Variants in BACH2 observed in about 807,000 individuals in gnomAD.
The protein encoded by BACH2 is BACH transcriptional regulator 2.
A neutral mutation model predicts 61.8 loss-of-function variants in BACH2; 5 were observed. That is an observed-to-expected ratio of 0.08 (90% CI 0.04 to 0.17). The LOEUF (loss-of-function observed/expected upper bound fraction) is 0.17, where lower values mean the gene tolerates loss of function less well. Among genes scored for constraint, BACH2 ranks in the 10% least tolerant of loss-of-function variants. The probability of loss-of-function intolerance (pLI) is 1.00; values close to 1 mark genes in which losing one functional copy is unlikely to be tolerated. For synonymous variants in BACH2, 446 were observed against 440.1 expected (o/e 1.01, Z -0.17); for missense variants, 824 against 1,091.1 (o/e 0.76, Z 3.45).
intron 3 of BACH2, among the ~76,000 whole-genome samples, chr6:90,248,893 G>A (rs1005909877): frequency 1.7e-4 from 26 of 152,200 alleles, no homozygotes; most frequent in Admixed American, 3.3e-4. Context: ...ACCATGAAAC[G>A]GTCTTTTATT....
At chr6:90,067,260 C>T (rs1467647620) in intron 5 of BACH2, among the ~76,000 whole-genome samples, 1 of 152,110 alleles carries the variant, frequency 6.6e-6, no homozygotes, top group Middle Eastern at 3.2e-3. Context: ...AGATAAAAGA[C>T]GGAGCCCCTC....
chr6:89,992,201 A>T (rs989604902), intron 6 of BACH2, among the ~76,000 whole-genome samples: 7 of 152,224 alleles, frequency 4.6e-5, no homozygotes, highest in Non-Finnish European at 1.5e-5. Context: ...TGTATGCATG[A>T]GTATATATTT....
chr6:90,035,326 T>G (rs1779210380), intron 5 of BACH2, among the ~76,000 whole-genome samples: 1 of 152,076 alleles, frequency 6.6e-6, no homozygotes, highest in Non-Finnish European at 1.5e-5. Flanking sequence ...AGCTAGAAAT[T>G]TATGGCCTCT....
Position 89,972,497 on chromosome 6 carries a change from G to A in BACH2, c.244-20635C>T, listed in dbSNP as rs1442789452. Among the ~76,000 whole-genome samples, 4 of 152,172 alleles carry A rather than the reference G, an allele frequency of 2.6e-5. No individual in the cohort carries two copies. In the East Asian group the frequency reaches 7.7e-4, roughly 29 times the overall value. The stretch of plus-strand genomic sequence containing the variant: ...GCCACAACCTGGATACCCCATTGAC[G>A]AAAACAAGGTATCTTTGGAAGCTAT... On this transcript the variant is annotated intron_variant, in intron 6 of 8. Coordinates refer to ENST00000257749, the MANE Select transcript of BACH2 (RefSeq NM_021813.4).
chr6:90,001,978 T>C (rs1427974690), intron 6 of BACH2, among the ~76,000 whole-genome samples: 1 of 152,242 alleles, frequency 6.6e-6, no homozygotes, highest in Non-Finnish European at 1.5e-5. Flanking sequence ...TTATTCTCTC[T>C]AGAACACAAT....
At chr6:90,165,683 C>A (rs2127834958) in intron 4 of BACH2, among the ~76,000 whole-genome samples, 1 of 152,302 alleles carries the variant, frequency 6.6e-6, no homozygotes, top group South Asian at 2.1e-4. Context: ...GTAACCAAAA[C>A]AGCATGGTAC....
chr6:90,170,647 A>T (rs1266652309), intron 4 of BACH2, among the ~76,000 whole-genome samples: 1 of 152,220 alleles, frequency 6.6e-6, no homozygotes, highest in Non-Finnish European at 1.5e-5. Flanking sequence ...TTCTATTGTG[A>T]TGTAAAGTTA....
At chr6:90,282,681 G>A (rs973355967) in intron 1 of BACH2, among the ~76,000 whole-genome samples, 1 of 151,822 alleles carries the variant, frequency 6.6e-6, no homozygotes. Flanking sequence ...AAACTGCTGG[G>A]TTGAATGGTA....
At chr6:90,023,343 T>C (rs1006343495) in intron 5 of BACH2, among the ~76,000 whole-genome samples, 3 of 151,900 alleles carry the variant, frequency 2.0e-5, no homozygotes, top group African/African-American at 7.3e-5. Context: ...GTTGCCTCAA[T>C]AGTGAGTTAT....
chr6:90,040,327 C>T (rs968846631), intron 5 of BACH2, among the ~76,000 whole-genome samples: 1 of 152,058 alleles, frequency 6.6e-6, no homozygotes, highest in Admixed American at 6.6e-5. Flanking sequence ...TATTGAACAT[C>T]CTTTTTTATC....
At chr6:89,995,059 C>CTG (rs1045400767) in intron 6 of BACH2, among the ~76,000 whole-genome samples, 15 of 152,346 alleles carry the variant, frequency 9.8e-5, no homozygotes, top group African/African-American at 3.6e-4. Flanking sequence ...ATTTCCCCCA[C>CTG]TCCAGAGTCC....
At chr6:90,256,246 G>A (rs926666925) in intron 2 of BACH2, among the ~76,000 whole-genome samples, 19 of 152,156 alleles carry the variant, frequency 1.2e-4, no homozygotes, top group African/African-American at 4.6e-4. Context: ...GCTGGGCCAC[G>A]TTTTCCAGCC....
At chr6:89,999,067 T>C (rs1776997512) in intron 6 of BACH2, among the ~76,000 whole-genome samples, 1 of 152,244 alleles carries the variant, frequency 6.6e-6, no homozygotes, top group South Asian at 2.1e-4. Flanking sequence ...CTGAGTATTT[T>C]GGTGTGGAAA....
chr6:90,295,608 C>G (rs1772322213), intron 1 of BACH2, among the ~76,000 whole-genome samples: 2 of 152,068 alleles, frequency 1.3e-5, no homozygotes, highest in Admixed American at 6.5e-5. Flanking sequence ...CCTTCATAAA[C>G]CAGTCTCCTG....
intron 8 of BACH2, among the ~76,000 whole-genome samples, chr6:89,935,893 C>G (rs1458961082): frequency 6.6e-6 from 1 of 152,202 alleles, no homozygotes; most frequent in Non-Finnish European, 1.5e-5. Context: ...ACTACCTAAG[C>G]CCAGCAGGCT....
chr6:90,240,995 G>A (rs375290548), intron 3 of BACH2, among the ~76,000 whole-genome samples: 12 of 151,816 alleles, frequency 7.9e-5, no homozygotes, highest in African/African-American at 2.2e-4. Flanking sequence ...TTAGCCAGGC[G>A]TGGTGGCGTG....
chr6:90,223,214 T>C (rs1447111778), intron 3 of BACH2, among the ~76,000 whole-genome samples: 1 of 152,140 alleles, frequency 6.6e-6, no homozygotes, highest in African/African-American at 2.4e-5. Context: ...TTAATAAACA[T>C]GTGCTGAGTA....
In BACH2 at chr6:90,105,634, C is replaced by CCA. The variant is rs1331685927; in HGVS notation, c.-161-16526_-161-16525insTG. On this transcript the variant is annotated intron_variant, in intron 4 of 8. Transcript: ENST00000257749. The stretch of plus-strand genomic sequence containing the variant: ...CATAAATATGATTCTTTTTTAAAGG[C>CCA]CCACACATATTACACCCACTTTCAG... 5.9e-5 allele frequency among the ~76,000 whole-genome samples: 9 copies of CCA among 152,238 alleles called. No homozygotes were observed. In the East Asian group the frequency reaches 1.2e-3, roughly 20 times the overall value.
chr6:90,080,854 G>A lies in BACH2; in HGVS notation c.-13+8107C>T, dbSNP rs184472016. ...CAGAGCTAACACCGTCTTCATGCGC[G>A]GTACTCGAGCAGCTCTGATGAGATG... On this transcript the variant is annotated intron_variant, in intron 5 of 8. Transcript: ENST00000257749. 1.2e-4 allele frequency: 102 copies of A among 835,128 alleles called. 1 individual carries two copies. In the Middle Eastern group the frequency reaches 1.8e-3, roughly 15 times the overall value. The allele number at this position is 835,128 out of a possible 1,614,324, so 51.7% of individuals were successfully genotyped here.
Sources: gnomAD v4.1 joint callset for allele counts (sites outside exome capture counted in the v4.1 genomes callset) on GRCh38, gnomAD v4.1.1 for gene constraint, MANE v1.5 for transcripts, NCBI Gene and HGNC (gene_info 2026-07-23, HGNC 2026-07-21) for gene names.